MAF: variants seen among roughly 807,000 people sequenced by gnomAD.
The protein encoded by MAF is transcription factor Maf.
A neutral mutation model predicts 22.0 loss-of-function variants in MAF; 10 were observed. The ratio of observed to expected loss-of-function variants is 0.45; its 90% CI spans 0.28 to 0.77. MAF has a LOEUF of 0.77. MAF is among the 30% of genes least tolerant of loss of function. The pLI, the probability that MAF is intolerant of heterozygous loss-of-function variation, is 0.12. For missense variants in MAF, 544 were observed against 548.4 expected (o/e 0.99, Z 0.08); for synonymous variants, 337 against 255.8 (o/e 1.32, Z -3.03).
chr16:79,266,760 C>G, the MAF span, among the ~76,000 whole-genome samples: 1 of 152,148 alleles, frequency 6.6e-6, no homozygotes, highest in Non-Finnish European at 1.5e-5. Flanking sequence ...TGAGCAACTA[C>G]TATGTGAGAC....
downstream of MAF, chr16:79,585,696 G>A (rs1333369260): frequency 5.5e-6 from 3 of 542,656 alleles, no homozygotes; most frequent in Non-Finnish European, 6.4e-6. Context: ...TTGGCACCTA[G>A]TGTCACCATT....
chr16:79,513,472 G>A, the MAF span, among the ~76,000 whole-genome samples: 3 of 152,330 alleles, frequency 2.0e-5, no homozygotes, highest in East Asian at 3.9e-4. Flanking sequence ...GAGCACAGCA[G>A]ACGGTCAATG....
chr16:79,284,129 G>A, the MAF span, among the ~76,000 whole-genome samples: 10 of 152,236 alleles, frequency 6.6e-5, no homozygotes, highest in African/African-American at 2.2e-4. Context: ...ATTAAGTGGC[G>A]ATTTAGCAGA....
the MAF span, among the ~76,000 whole-genome samples, chr16:79,215,537 G>T: frequency 6.6e-6 from 1 of 152,110 alleles, no homozygotes; most frequent in Non-Finnish European, 1.5e-5. Flanking sequence ...GGACATGCTG[G>T]CCTCCTGCTT....
chr16:79,374,555 G>T, the MAF span, among the ~76,000 whole-genome samples: 1 of 152,116 alleles, frequency 6.6e-6, no homozygotes, highest in African/African-American at 2.4e-5. Context: ...ATATTTCCAA[G>T]TTACAAAGCA....
chr16:79,256,150 T>TG, the MAF span, among the ~76,000 whole-genome samples: 14 of 124,914 alleles, frequency 1.1e-4, no homozygotes, highest in African/African-American at 2.9e-4. Flanking sequence ...CCCAGCTAAA[T>TG]TTTTTTTTTT....
chr16:79,554,753 T>C, the MAF span, among the ~76,000 whole-genome samples: 1 of 152,176 alleles, frequency 6.6e-6, no homozygotes, highest in Non-Finnish European at 1.5e-5. Context: ...ACAAATAAGA[T>C]TTTTGTACCC....
the MAF span, among the ~76,000 whole-genome samples, chr16:79,386,641 T>C: frequency 6.6e-6 from 1 of 152,124 alleles, no homozygotes; most frequent in African/African-American, 2.4e-5. Context: ...TCATTTATAA[T>C]ATCTAAGGTA....
At chr16:79,366,569 G>A in the MAF span, among the ~76,000 whole-genome samples, 3 of 152,200 alleles carry the variant, frequency 2.0e-5, no homozygotes, top group Non-Finnish European at 4.4e-5. Flanking sequence ...GCAGTTAGGT[G>A]TACCTGTGTG....
chr16:79,249,067 C>G, the MAF span, among the ~76,000 whole-genome samples: 1 of 152,060 alleles, frequency 6.6e-6, no homozygotes, highest in African/African-American at 2.4e-5. Context: ...GAGACAGGGC[C>G]TTTGGGAAGT....
At chr16:79,534,952 A>G in the MAF span, among the ~76,000 whole-genome samples, 2 of 152,212 alleles carry the variant, frequency 1.3e-5, no homozygotes, top group Non-Finnish European at 2.9e-5. Context: ...GGTGATGATG[A>G]TAACAACAAA....
chr16:79,586,021 C>A, intron 1 of MAF: 1 of 611,128 alleles, frequency 1.6e-6, no homozygotes, highest in South Asian at 2.0e-5. Context: ...ATGCTACAGG[C>A]AGCCTAACTA....
the MAF span, among the ~76,000 whole-genome samples, chr16:79,296,122 T>C: frequency 6.6e-6 from 1 of 152,216 alleles, no homozygotes; most frequent in South Asian, 2.1e-4. Flanking sequence ...TTCTTAGCCT[T>C]ATCTGTAAAA....
At chr16:79,540,207 T>A in the MAF span, among the ~76,000 whole-genome samples, 3 of 151,724 alleles carry the variant, frequency 2.0e-5, no homozygotes, top group Admixed American at 6.6e-5. Flanking sequence ...ACAGGTTACG[T>A]GATGAAGACT....
At chr16:79,369,408 T>A in the MAF span, among the ~76,000 whole-genome samples, 1 of 152,220 alleles carries the variant, frequency 6.6e-6, no homozygotes, top group Non-Finnish European at 1.5e-5. Context: ...CATGACACTA[T>A]CTGCTATGTT....
chr16:79,237,697 G>C, the MAF span, among the ~76,000 whole-genome samples: 1 of 152,126 alleles, frequency 6.6e-6, no homozygotes, highest in Non-Finnish European at 1.5e-5. Context: ...GTTGGCGTTT[G>C]GGGCTGGATC....
chr16:79,566,149 A>C, the MAF span, among the ~76,000 whole-genome samples: 12 of 152,228 alleles, frequency 7.9e-5, no homozygotes, highest in Admixed American at 7.2e-4. Context: ...GTAGATCATC[A>C]GTTTCTTTTT....
the MAF span, among the ~76,000 whole-genome samples, chr16:79,355,019 T>A: frequency 3.9e-4 from 58 of 150,240 alleles, 1 homozygote; most frequent in East Asian, 1.9e-3. Context: ...TCATAACATT[T>A]GAAAACCCAA....
chr16:79,530,190 C>G, the MAF span, among the ~76,000 whole-genome samples: 1 of 152,144 alleles, frequency 6.6e-6, no homozygotes, highest in Admixed American at 6.5e-5. Context: ...TCCTGTTTAT[C>G]TTTACATTTC....
Sources: gnomAD v4.1 joint callset for allele counts (sites outside exome capture counted in the v4.1 genomes callset) on GRCh38, gnomAD v4.1.1 for gene constraint, MANE v1.5 for transcripts, NCBI Gene and HGNC (gene_info 2026-07-23, HGNC 2026-07-21) for gene names.